Variants in ABCB11 observed in about 807,000 individuals in gnomAD.
ABCB11 encodes the protein bile salt export pump.
Under a neutral mutation model 148.0 loss-of-function variants are expected in ABCB11, and 95 were observed. The ratio of observed to expected loss-of-function variants is 0.64; its 90% CI spans 0.54 to 0.76. The LOEUF is 0.76. Among genes scored for constraint, ABCB11 ranks in the 30% least tolerant of loss-of-function variants. The pLI is 0.00. For synonymous variants in ABCB11, 591 were observed against 555.4 expected (o/e 1.06, Z -0.90); for missense variants, 1,523 against 1,617.8 (o/e 0.94, Z 1.01).
chr2:168,984,167 G>T (rs1426735104), intron 10 of ABCB11, among the ~76,000 whole-genome samples: 1 of 152,040 alleles, frequency 6.6e-6, no homozygotes, highest in African/African-American at 2.4e-5. Context: ...GGGAGAGGGA[G>T]CAGGATAAGA....
At chr2:168,928,009 C>T (rs1206759099) in intron 25 of ABCB11, among the ~76,000 whole-genome samples, 1 of 152,140 alleles carries the variant, frequency 6.6e-6, no homozygotes, top group African/African-American at 2.4e-5. Flanking sequence ...ATATCTACCA[C>T]ATGAGCTGAT....
rs1288215975 is a variant in ABCB11, at chr2:168,986,258, T to C, written c.935A>G (p.Gln312Arg). 1.2e-6 allele frequency: 2 copies of C among 1,612,912 alleles called. No homozygotes were observed. The highest frequency in any genetic ancestry group is 1.7e-5 in the Admixed American group (1 of 59,932). ...TATTCCTTTTCTAATTCCCCAACGCTGGGCGAACACAAGATTTTTCTCATA... is the reference window on the plus strand; with the variant it reads ...TATTCCTTTTCTAATTCCCCAACGCCGGGCGAACACAAGATTTTTCTCATA... ...ERYEKNLVFA[Q>R]RWGIRKGIVM... Residue 312 changes from glutamine (Q) to arginine (R), a missense_variant, in exon 10 of 28, where the codon CAG (glutamine) becomes CGG (arginine). Transcript: ENST00000650372.
intron 4 of ABCB11, among the ~76,000 whole-genome samples, chr2:169,014,060 A>G (rs937594644): frequency 1.9e-4 from 29 of 152,142 alleles, no homozygotes; most frequent in Non-Finnish European, 3.4e-4. Context: ...TATGATAACC[A>G]TGGGCTTAGT....
chr2:168,920,384 T>TG (rs1038617955), downstream of ABCB11, among the ~76,000 whole-genome samples: 52 of 53,030 alleles, frequency 9.8e-4, 1 homozygote, highest in African/African-American at 6.9e-3. Context: ...TCTAAATTTA[T>TG]TTTTTTAAAT....
Position 169,029,724 on chromosome 2 carries a change from C to CTTTTTTTTTTTT in ABCB11, c.-28+1489_-28+1500dup, listed in dbSNP as rs1166356679. On this transcript the variant is annotated intron_variant, in intron 1 of 27. Transcript: ENST00000650372. Reference sequence around the variant, plus strand: ...GTCTCTAAATGTACAGTTCTTTCCTCTTTTTTTTTTTTTTTTTTTTTTTTT... The same window carrying CTTTTTTTTTTTT: ...GTCTCTAAATGTACAGTTCTTTCCTCTTTTTTTTTTTTTTTTTTTTTTTTTTTTTTTTTTTTT... Among the ~76,000 whole-genome samples, 45 of 88,300 alleles carry CTTTTTTTTTTTT rather than the reference C, an allele frequency of 5.1e-4. 6 individuals carry two copies. The highest frequency in any genetic ancestry group is 2.4e-3 in the African/African-American group (42 of 17,428). The allele number at this position is 88,300 out of a possible 152,430, so 57.9% of individuals were successfully genotyped here.
At chr2:168,920,145 C>A (rs1691032318), downstream of ABCB11, among the ~76,000 whole-genome samples, 2 of 152,172 alleles carry the variant, frequency 1.3e-5, no homozygotes, top group African/African-American at 4.8e-5. Flanking sequence ...GGATTACAGG[C>A]ATGAGCCACT....
At chr2:168,991,593 T>C (rs928499595) in intron 8 of ABCB11, among the ~76,000 whole-genome samples, 4 of 151,994 alleles carry the variant, frequency 2.6e-5, no homozygotes, top group African/African-American at 9.7e-5. Flanking sequence ...AAAACACATA[T>C]TGCGGAAGAT....
At chr2:168,964,129 T>C (rs1340739191) in intron 18 of ABCB11, 77 bp downstream of exon 18, 2 of 1,091,624 alleles carry the variant, frequency 1.8e-6, no homozygotes, top group African/African-American at 3.2e-5. Context: ...AAACTCATAT[T>C]CTCAGGCTTA....
chr2:168,927,415 G>C (rs1276002260), intron 25 of ABCB11, 53 bp from the exon 26 acceptor site: 13 of 1,472,262 alleles, frequency 8.8e-6, no homozygotes, highest in South Asian at 4.7e-5. Flanking sequence ...CCAGCAGTGA[G>C]GAAAGTTCAT....
chr2:168,929,904 T>C (rs1161286662), intron 25 of ABCB11, among the ~76,000 whole-genome samples: 1 of 152,110 alleles, frequency 6.6e-6, no homozygotes, highest in African/African-American at 2.4e-5. Context: ...TGAAATAGCA[T>C]GAGCATATTA....
intron 8 of ABCB11, among the ~76,000 whole-genome samples, chr2:168,992,661 A>G (rs1329489928): frequency 6.6e-6 from 1 of 152,124 alleles, no homozygotes; most frequent in Non-Finnish European, 1.5e-5. Context: ...TATTTTAAAG[A>G]CAAGGAAACT....
intron 5 of ABCB11, among the ~76,000 whole-genome samples, chr2:169,001,017 A>G (rs1694853867): frequency 6.6e-6 from 1 of 152,110 alleles, no homozygotes; most frequent in Non-Finnish European, 1.5e-5. Flanking sequence ...GCTCTAGGAA[A>G]TACATTATAG....
downstream of ABCB11, among the ~76,000 whole-genome samples, chr2:168,920,501 T>C (rs1219380420): frequency 6.6e-6 from 1 of 152,122 alleles, no homozygotes. Context: ...ATCTTTTTGT[T>C]TTACTTTCAG....
rs1282761267 is a variant in ABCB11, at chr2:168,975,195, A to AATATT, written c.1309-1356_1309-1355insAATAT. 6.4e-4 allele frequency among the ~76,000 whole-genome samples: 32 copies of AATATT among 49,874 alleles called. 1 individual carries two copies. Among genetic ancestry groups the AATATT allele is most frequent in the Admixed American group, 8.6e-4 (5 of 5,834 alleles). The allele number at this position is 49,874 out of a possible 152,430, so 32.7% of individuals were successfully genotyped here. On this transcript the variant is annotated intron_variant, in intron 12 of 27. Coordinates refer to ENST00000650372, the MANE Select transcript of ABCB11 (RefSeq NM_003742.4). ...ATATTTATTTATAGATAAATATATA[A>AATATT]TAAATATTTTTATATTTAAATATTT...
At chr2:168,962,634 CA>C (rs1269286611) in intron 18 of ABCB11, among the ~76,000 whole-genome samples, 2 of 151,542 alleles carry the variant, frequency 1.3e-5, no homozygotes, top group African/African-American at 2.4e-5. Context: ...AATTAAAATG[CA>C]AAAATTAAAT....
chr2:168,950,547 A>AT (rs1377963428), intron 19 of ABCB11, among the ~76,000 whole-genome samples: 1 of 151,412 alleles, frequency 6.6e-6, no homozygotes, highest in Admixed American at 6.6e-5. Flanking sequence ...GATGTTGAGC[A>AT]TTTTTTTAAT....
intron 16 of ABCB11, 23 bp downstream of exon 16, chr2:168,969,327 A>G: frequency 6.3e-7 from 1 of 1,593,876 alleles, no homozygotes; most frequent in Non-Finnish European, 8.6e-7. Flanking sequence ...TATAACATAC[A>G]AGTATAGGGA....
intron 19 of ABCB11, among the ~76,000 whole-genome samples, chr2:168,946,518 C>T (rs943858898): frequency 6.6e-6 from 1 of 151,684 alleles, no homozygotes; most frequent in Non-Finnish European, 1.5e-5. Flanking sequence ...CAGAAAGTAG[C>T]ACAGTAATTC....
intron 21 of ABCB11, among the ~76,000 whole-genome samples, chr2:168,938,211 G>A (rs1691912169): frequency 6.6e-6 from 1 of 152,126 alleles, no homozygotes; most frequent in African/African-American, 2.4e-5. Flanking sequence ...GAGACTAACA[G>A]GCTAAATCAA....
Sources: allele counts gnomAD v4.1 joint callset (sites outside exome capture counted in the v4.1 genomes callset), GRCh38; gene constraint gnomAD v4.1.1; transcripts MANE v1.5; gene names NCBI Gene and HGNC (gene_info 2026-07-23, HGNC 2026-07-21).